Variants in CCNK observed in about 807,000 individuals in gnomAD.
The protein encoded by CCNK is cyclin-K.
CCNK carries 9 observed loss-of-function variants against 65.0 expected under a neutral mutation model. That is an observed-to-expected ratio of 0.14 (90% CI 0.08 to 0.24). CCNK has a LOEUF of 0.24. Ranked by LOEUF, CCNK falls within the 10% of genes least tolerant of loss-of-function variation. The pLI is 1.00. For synonymous variants in CCNK, 279 were observed against 270.8 expected (o/e 1.03, Z -0.30); for missense variants, 474 against 720.0 (o/e 0.66, Z 3.91).
intron 9 of CCNK, chr14:99,505,515 A>G (rs1896952208): frequency 7.0e-6 from 1 of 142,094 alleles, no homozygotes; most frequent in African/African-American, 2.6e-5. Context: ...AATAAATTTT[A>G]TCCTTTTTCC....
intron 5 of CCNK, 121 bp from the exon 6 acceptor site, chr14:99,501,235 C>T: frequency 2.9e-6 from 2 of 698,568 alleles, no homozygotes; most frequent in Non-Finnish European, 5.1e-6. Flanking sequence ...GTTTCCCACG[C>T]AAAAGCTCTT....
chr14:99,509,844 T>G, intron 10 of CCNK: 1 of 439,046 alleles, frequency 2.3e-6, no homozygotes, highest in Non-Finnish European at 4.0e-6. Context: ...CGTTTTGCAC[T>G]AGGAAGAGGG....
chr14:99,485,130 T>C lies in CCNK; in HGVS notation c.-53+3651T>C, dbSNP rs534096283. The stretch of plus-strand genomic sequence containing the variant: ...ACGATTTTGAGGACTGTCTCTATTC[T>C]GTTTATGTCCATAATATTTTCACTA... On this transcript the variant is annotated intron_variant, in intron 1 of 10. Coordinates refer to ENST00000389879, the MANE Select transcript of CCNK (RefSeq NM_001099402.2). Among the ~76,000 whole-genome samples the C allele has an allele frequency of 2.8e-3, 428 of 152,378 alleles. 2 individuals are homozygous for C. The highest frequency in any genetic ancestry group is 9.6e-3 in the African/African-American group (398 of 41,588).
chr14:99,495,491 C>G lies in CCNK; in HGVS notation c.280-7C>G. ...ACAAAAATCAAGAACTTTTGTTTCC[C>G]TTTTAGGTGACAGGAGCCTGTTGCC... On this transcript the variant is annotated splice_polypyrimidine_tract_variant and splice_region_variant and intron_variant, in intron 3 of 10. Coordinates refer to ENST00000389879, the MANE Select transcript of CCNK (RefSeq NM_001099402.2). 3 of 1,604,822 alleles carry G rather than the reference C, an allele frequency of 1.9e-6. No homozygotes were observed. Among genetic ancestry groups the G allele is most frequent in the Non-Finnish European group, 2.5e-6 (3 of 1,177,254 alleles).
chr14:99,497,678 C>T (rs1896731538), intron 4 of CCNK, among the ~76,000 whole-genome samples: 1 of 152,222 alleles, frequency 6.6e-6, no homozygotes, highest in Non-Finnish European at 1.5e-5. Flanking sequence ...ATCTTTTTCT[C>T]TGCCAAGCAT....
intron 1 of CCNK, among the ~76,000 whole-genome samples, chr14:99,489,594 T>A (rs1282188689): frequency 6.6e-6 from 1 of 152,234 alleles, no homozygotes; most frequent in Non-Finnish European, 1.5e-5. Flanking sequence ...TTTTTGTCCT[T>A]AGAATATATC....
At chr14:99,495,329 T>G in intron 3 of CCNK, 169 bp from the exon 4 acceptor site, 2 of 387,766 alleles carry the variant, frequency 5.2e-6, no homozygotes, top group Non-Finnish European at 4.5e-6. Flanking sequence ...GGGGGATTTA[T>G]ATGTATAAAA....
chr14:99,484,545 T>C (rs1452402416), intron 1 of CCNK, among the ~76,000 whole-genome samples: 1 of 152,270 alleles, frequency 6.6e-6, no homozygotes, highest in African/African-American at 2.4e-5. Context: ...AAATGTATTT[T>C]CAAGGCTTAG....
intron 9 of CCNK, 195 bp from the exon 10 acceptor site, chr14:99,506,881 G>A (rs1183847299): frequency 1.8e-6 from 1 of 562,074 alleles, no homozygotes; most frequent in East Asian, 3.0e-5. Flanking sequence ...GTCTTTTGGA[G>A]GGAGGTGGCA....
At chr14:99,502,054 A>C in intron 6 of CCNK, 153 bp from the exon 7 acceptor site, 1 of 789,292 alleles carries the variant, frequency 1.3e-6, no homozygotes, top group Non-Finnish European at 1.8e-6. Flanking sequence ...TACCTTTAGA[A>C]GAGTAAAGAC....
intron 9 of CCNK, chr14:99,506,565 G>A (rs1486558966): frequency 1.3e-5 from 2 of 157,490 alleles, no homozygotes; most frequent in African/African-American, 4.8e-5. Context: ...GCTGACTCCA[G>A]TTAATGTGCT....
At chr14:99,492,603 C>CT in intron 1 of CCNK, 23 bp from the exon 2 acceptor site, 1 of 1,290,390 alleles carries the variant, frequency 7.7e-7, no homozygotes, top group South Asian at 1.4e-5. Context: ...TCCTTTCCAA[C>CT]TTTGTTTTTC....
chr14:99,489,673 G>T (rs1896560497), intron 1 of CCNK, among the ~76,000 whole-genome samples: 1 of 152,148 alleles, frequency 6.6e-6, no homozygotes, highest in African/African-American at 2.4e-5. Context: ...TTGCCCATTT[G>T]GTTTGAGTTT....
intron 4 of CCNK, 70 bp downstream of exon 4, chr14:99,495,699 T>C: frequency 7.2e-7 from 1 of 1,385,772 alleles, no homozygotes; most frequent in South Asian, 1.5e-5. Context: ...GTTCCACATG[T>C]TGACAGTGCC....
chr14:99,507,475 A>C, intron 10 of CCNK: 1 of 291,386 alleles, frequency 3.4e-6, no homozygotes. Context: ...TGAGATGGGA[A>C]GATCATTTGA....
In CCNK at chr14:99,481,457, G is replaced by A. The variant is rs1364286168; in HGVS notation, c.-75G>A. The A allele has an allele frequency of 1.0e-5, 4 of 398,612 alleles. No homozygotes were observed. Among genetic ancestry groups the A allele is most frequent in the Non-Finnish European group, 1.8e-5 (4 of 226,116 alleles). 24.7% of individuals were successfully genotyped at this position (398,612 alleles called of 1,614,324 possible). On this transcript the variant is annotated 5_prime_UTR_variant, in exon 1 of 11. An upstream open reading frame in the 5' UTR loses its in-frame stop. Coordinates refer to ENST00000389879, the MANE Select transcript of CCNK (RefSeq NM_001099402.2). ...GCAGTCGGCAAGGAGAGACGTCGCT[G>A]AGGGGCTTGCCTGAAGCGAGGGGTG...
chr14:99,500,678 A>C, intron 4 of CCNK, 88 bp from the exon 5 acceptor site: 1 of 860,674 alleles, frequency 1.2e-6, no homozygotes, highest in Non-Finnish European at 1.9e-6. Flanking sequence ...TTGAAGAGAG[A>C]ATAAATAGAC....
chr14:99,510,269 G>C lies in CCNK; in HGVS notation c.1230G>C (p.Val410=). 1.3e-6 allele frequency: 2 copies of C among 1,482,344 alleles called. No individual in the cohort carries two copies. Among genetic ancestry groups the C allele is most frequent in the Non-Finnish European group, 9.0e-7 (1 of 1,108,728 alleles). 91.8% of individuals were successfully genotyped at this position (1,482,344 alleles called of 1,614,324 possible). ...CCCCTCCGGCCCACCCGGCCCCTGT[G>C]CACCAGCCACCGCCGCTGCCACACC... ...QIPPPAHPAP[V]HQPPPLPHRP... Residue 410 remains valine (V), a synonymous_variant, in exon 11 of 11, where the codon GTG becomes GTC. Coordinates refer to ENST00000389879, the MANE Select transcript of CCNK (RefSeq NM_001099402.2).
In CCNK at chr14:99,510,655, GCCTGCCGCCAGCCAGCTACCCACCT is replaced by G; in HGVS notation, c.1624_1648del (p.Pro542SerfsTer30). ...CCCCCTCATCCTCCTCCAGGGTTGG[GCCTGCCGCCAGCCAGCTACCCACCT>G]CCTGCCGTCCCCCCTGGAGGACAGC... is the stretch of plus-strand genomic sequence containing the variant. On this transcript the variant is annotated frameshift_variant, in exon 11 of 11. Transcript: ENST00000389879. LOFTEE classifies it high-confidence loss of function. The G allele has an allele frequency of 1.4e-6, 2 of 1,410,468 alleles. No individual in the cohort carries two copies. The highest frequency in any genetic ancestry group is 1.8e-6 in the Non-Finnish European group (2 of 1,083,670). The allele number at this position is 1,410,468 out of a possible 1,614,324, so 87.4% of individuals were successfully genotyped here.
Sources: allele counts gnomAD v4.1 joint callset (sites outside exome capture counted in the v4.1 genomes callset), GRCh38; gene constraint gnomAD v4.1.1; transcripts MANE v1.5; gene names NCBI Gene and HGNC (gene_info 2026-07-23, HGNC 2026-07-21).